ACVR2B: variants seen among roughly 807,000 people sequenced by gnomAD.
ACVR2B encodes the protein activin A receptor type 2B.
In ACVR2B, 18 loss-of-function variants were observed where a neutral mutation model predicts 65.1. The ratio of observed to expected loss-of-function variants is 0.28; its 90% CI spans 0.19 to 0.41. The LOEUF is 0.41. Among genes scored for constraint, ACVR2B ranks in the 10% least tolerant of loss-of-function variants. The probability of loss-of-function intolerance (pLI) is 1.00; values close to 1 mark genes in which losing one functional copy is unlikely to be tolerated. For missense variants in ACVR2B, 482 were observed against 682.7 expected (o/e 0.71, Z 3.28); for synonymous variants, 298 against 277.7 (o/e 1.07, Z -0.73).
In ACVR2B at chr3:38,481,653, T is replaced by C. The variant is rs187734419; in HGVS notation, c.1074+188T>C. Among the ~76,000 whole-genome samples the C allele has an allele frequency of 2.2e-4, 34 of 152,350 alleles. 2 individuals carry two copies. In the East Asian group the frequency reaches 3.9e-3, roughly 17 times the overall value. On this transcript the variant is annotated intron_variant, in intron 8 of 10. Transcript: ENST00000352511. This position sits in a 1 kb window ranked among gnomAD's most constrained non-coding sequence, Gnocchi z 4.7. Reference sequence around the variant, plus strand: ...GACCAGGAAGGCAGTGTAGTTTAGCTTCCGTAGGACAGTCAGCTGGGAAAT... The same window carrying C: ...GACCAGGAAGGCAGTGTAGTTTAGCCTCCGTAGGACAGTCAGCTGGGAAAT...
rs575184501 is a variant in ACVR2B at position 38,482,668 on chromosome 3, C to T, written c.1344+108C>T. The stretch of plus-strand genomic sequence containing the variant: ...GGGGAATGGGCAAATAGAAAGTCTG[C>T]GACGTTCCCTGGACTCTAGGGATGT... On this transcript the variant is annotated intron_variant, in intron 10 of 10. Transcript: ENST00000352511. 6.1e-5 allele frequency: 91 copies of T among 1,486,458 alleles called. No individual in the cohort carries two copies. The Admixed American group carries it at 1.1e-3, about 18-fold the overall frequency. 92.1% of individuals were successfully genotyped at this position (1,486,458 alleles called of 1,614,324 possible).
intron 1 of ACVR2B, chr3:38,459,600 C>T: frequency 1.0e-6 from 1 of 985,436 alleles, no homozygotes; most frequent in Non-Finnish European, 1.2e-6. Context: ...AGTGGACCTG[C>T]CATGTGGCGC....
Position 38,482,433 on chromosome 3 carries a change from C to T in ACVR2B, c.1217C>T (p.Pro406Leu), listed in dbSNP as rs1265575250. The part of the protein sequence containing the change: ...LVSRCKAADG[P>L]VDEYMLPFEE... ...CCAGGCTCTCTCTTTCTCCTAGGACCCGTGGATGAGTACATGCTGCCCTTT... is the reference window on the plus strand; with the variant it reads ...CCAGGCTCTCTCTTTCTCCTAGGACTCGTGGATGAGTACATGCTGCCCTTT... The change falls in exon 10 of 11, where the codon CCC becomes CTC. Residue 406 changes from proline to leucine, a missense_variant. Transcript: ENST00000352511. The T allele has an allele frequency of 6.2e-7, 1 of 1,611,934 alleles. No homozygotes were observed. The highest frequency in any genetic ancestry group is 1.3e-5 in the African/African-American group (1 of 74,076).
chr3:38,471,540 CATG>C (rs1365224963), intron 1 of ACVR2B, among the ~76,000 whole-genome samples: 1 of 152,186 alleles, frequency 6.6e-6, no homozygotes, highest in Non-Finnish European at 1.5e-5. Context: ...AAAAAGAAGT[CATG>C]ATGGCATTGC....
At position 38,473,850 on chromosome 3, in the gene ACVR2B, G is replaced by C. The variant is rs1483013680; in HGVS notation, c.53-3437G>C. The stretch of plus-strand genomic sequence containing the variant: ...GCTCACGGCTGCCATTTTTCGCTGG[G>C]TTGCCTGTAGGAGGATCTGGTCAGA... On this transcript the variant is annotated intron_variant, in intron 1 of 10. Coordinates refer to ENST00000352511, the MANE Select transcript of ACVR2B (RefSeq NM_001106.4). The C allele has an allele frequency of 2.0e-5, 3 of 152,346 alleles. No homozygotes were observed. The East Asian group carries it at 5.8e-4, about 29-fold the overall frequency. The allele number at this position is 152,346 out of a possible 1,614,324, so 9.4% of individuals were successfully genotyped here.
At chr3:38,469,380 A>G (rs1185178364) in intron 1 of ACVR2B, among the ~76,000 whole-genome samples, 2 of 152,138 alleles carry the variant, frequency 1.3e-5, no homozygotes, top group Non-Finnish European at 2.9e-5. Flanking sequence ...AGGAGAGAAG[A>G]TGTGGAATTG....
intron 1 of ACVR2B, chr3:38,475,925 AGTGGTGCCAGGTCACTGGCCTAT>A (rs1313437409): frequency 4.6e-5 from 7 of 152,326 alleles, no homozygotes; most frequent in African/African-American, 1.7e-4. Flanking sequence ...ACCAGCCAGG[AGTGGTGCCAGGTCACTGGCCTAT>A]GTGGGCCCAA....
At chr3:38,461,879 A>G (rs776615578) in intron 1 of ACVR2B, among the ~76,000 whole-genome samples, 22 of 152,148 alleles carry the variant, frequency 1.4e-4, no homozygotes, top group Non-Finnish European at 2.9e-4. Context: ...TTGTGCATCT[A>G]TAGAAATACT....
In ACVR2B at chr3:38,479,669, T is replaced by A. The variant is rs776301711; in HGVS notation, c.811-9T>A. 2 of 1,614,124 alleles carry A rather than the reference T, an allele frequency of 1.2e-6. No individual in the cohort carries two copies. The highest frequency in any genetic ancestry group is 2.2e-5 in the South Asian group (2 of 91,052). On this transcript the variant is annotated splice_polypyrimidine_tract_variant and intron_variant, in intron 6 of 10. Transcript: ENST00000352511. Reference sequence around the variant, plus strand: ...ATCTGTGCTCAAGTTCTGTGCTGTCTTCTCTCAGGGCTCCCTCACGGATTA... The same window carrying A: ...ATCTGTGCTCAAGTTCTGTGCTGTCATCTCTCAGGGCTCCCTCACGGATTA...
intron 1 of ACVR2B, among the ~76,000 whole-genome samples, chr3:38,464,495 A>G (rs1382414021): frequency 6.6e-6 from 1 of 152,260 alleles, no homozygotes; most frequent in Non-Finnish European, 1.5e-5. Context: ...GGTTGAAGGC[A>G]TTGTATATCT....
At chr3:38,478,329 G>C in intron 4 of ACVR2B, 37 bp downstream of exon 4, 1 of 1,614,124 alleles carries the variant, frequency 6.2e-7, no homozygotes, top group Non-Finnish European at 8.5e-7. Flanking sequence ...GCAGGATAGA[G>C]GTGGGGAGGA....
At chr3:38,459,249 A>C (rs1255254545) in intron 1 of ACVR2B, among the ~76,000 whole-genome samples, 1 of 152,092 alleles carries the variant, frequency 6.6e-6, no homozygotes, top group African/African-American at 2.4e-5. Context: ...GTTTGGTTCA[A>C]AATTAGTGGT....
chr3:38,477,387 C>A lies in ACVR2B; in HGVS notation c.153C>A (p.Gly51=), dbSNP rs551896195. The A allele has an allele frequency of 1.2e-6, 2 of 1,614,058 alleles. No individual in the cohort carries two copies. Among genetic ancestry groups the A allele is most frequent in the African/African-American group, 1.3e-5 (1 of 74,924 alleles). Residue 51 remains glycine, a synonymous_variant, in exon 2 of 11, where the codon GGC becomes GGA. Transcript: ENST00000352511. The surrounding 1 kb of genome is among the most constrained non-coding windows in gnomAD (Gnocchi z 6.7). ...TNQSGLERCE[G]EQDKRLHCYA... ...AGAGCGGCCTGGAGCGCTGCGAAGG[C>A]GAGCAGGACAAGCGGCTGCACTGCT... is the stretch of plus-strand genomic sequence containing the variant.
rs1295387399 is a variant in ACVR2B, at chr3:38,458,065, T to C, written c.52+3691T>C. On this transcript the variant is annotated intron_variant, in intron 1 of 10. Transcript: ENST00000352511. ...TTCAAGGCAGATGATGTGAGAAACC[T>C]GCCCATCTTTCCAGGCCCTATAGCT... Among the ~76,000 whole-genome samples the C allele has an allele frequency of 3.9e-5, 6 of 152,214 alleles. No individual in the cohort carries two copies. The East Asian group carries it at 1.2e-3, about 29-fold the overall frequency.
rs1003600468 is a variant in ACVR2B, at chr3:38,492,484, A to G, written c.*9152A>G. ...TCAAGTGCTAAAACTAAAGACTTCT[A>G]GTTTTTGGCTCAAATAAGTACTGTT... On this transcript the variant is annotated 3_prime_UTR_variant, in exon 11 of 11. Transcript: ENST00000352511. 1.3e-5 allele frequency: 2 copies of G among 152,484 alleles called. No individual in the cohort carries two copies. The highest frequency in any genetic ancestry group is 6.5e-5 in the Admixed American group (1 of 15,270). 9.4% of individuals were successfully genotyped at this position (152,484 alleles called of 1,614,324 possible).
intron 1 of ACVR2B, among the ~76,000 whole-genome samples, chr3:38,455,135 G>A (rs1316086541): frequency 1.3e-5 from 2 of 152,172 alleles, no homozygotes; most frequent in Non-Finnish European, 2.9e-5. Context: ...GAGGTGTTCG[G>A]CCAGCGCATG....
Position 38,492,655 on chromosome 3 carries a change from T to C in ACVR2B, c.*9323T>C, listed in dbSNP as rs947154569. The C allele has an allele frequency of 2.7e-4, 40 of 146,434 alleles. No homozygotes were observed. The highest frequency in any genetic ancestry group is 1.0e-3 in the African/African-American group (40 of 39,556). The allele number at this position is 146,434 out of a possible 1,614,324, so 9.1% of individuals were successfully genotyped here. A position where few individuals can be genotyped will look rare whatever the true frequency, so the allele number is the denominator to read the frequency against. On this transcript the variant is annotated 3_prime_UTR_variant, in exon 11 of 11. Coordinates refer to ENST00000352511, the MANE Select transcript of ACVR2B (RefSeq NM_001106.4). ...AAGTATCATGTTTAAAAAAAATATATATATATATACAGAGTTAAGCTTGTT... is the reference window on the plus strand; with the variant it reads ...AAGTATCATGTTTAAAAAAAATATACATATATATACAGAGTTAAGCTTGTT...
chr3:38,482,676 C>T, intron 10 of ACVR2B, 116 bp downstream of exon 10: 1 of 1,446,716 alleles, frequency 6.9e-7, no homozygotes, highest in Admixed American at 2.0e-5. Flanking sequence ...TGCGACGTTC[C>T]CTGGACTCTA....
In ACVR2B at chr3:38,492,971, A is replaced by G. The variant is rs2059825362; in HGVS notation, c.*9639A>G. The G allele has an allele frequency of 6.6e-6, 1 of 152,556 alleles. No homozygotes were observed. Among genetic ancestry groups the G allele is most frequent in the Non-Finnish European group, 1.5e-5 (1 of 68,030 alleles). The allele number at this position is 152,556 out of a possible 1,614,324, so 9.5% of individuals were successfully genotyped here. On this transcript the variant is annotated 3_prime_UTR_variant, in exon 11 of 11. Transcript: ENST00000352511. ...GTCAAGTTTGAAATTAGATCTGCTA[A>G]GTTGGGGTTTTGCTGCTTGAACTCT...
Sources: gnomAD v4.1 joint callset for allele counts (sites outside exome capture counted in the v4.1 genomes callset) on GRCh38, gnomAD v4.1.1 for gene constraint, Gnocchi (gnomAD v3.1) non-coding constraint, MANE v1.5 for transcripts, NCBI Gene and HGNC (gene_info 2026-07-23, HGNC 2026-07-21) for gene names.